Variants in ACYP2 observed in about 807,000 individuals in gnomAD.
ACYP2 encodes the protein acylphosphatase 2.
ACYP2 carries 12 observed loss-of-function variants against 11.2 expected under a neutral mutation model. The observed-to-expected ratio is 1.08, with a 90% CI of 0.69 to 1.74. The LOEUF is 1.74. Ranked by LOEUF, ACYP2 falls within the 40% of genes most tolerant of loss-of-function variation. The probability of loss-of-function intolerance (pLI) is 0.00; values close to 1 mark genes in which losing one functional copy is unlikely to be tolerated. For synonymous variants in ACYP2, 43 were observed against 32.2 expected (o/e 1.33, Z -1.13); for missense variants, 134 against 101.9 (o/e 1.31, Z -1.35).
chr2:54,238,561 C>G (rs1376114102), intron 6 of ACYP2, among the ~76,000 whole-genome samples: 3 of 152,020 alleles, frequency 2.0e-5, no homozygotes, highest in Non-Finnish European at 4.4e-5. Context: ...TATTTCTGTT[C>G]ATCAATGTTA....
intron 6 of ACYP2, among the ~76,000 whole-genome samples, chr2:54,289,774 T>G (rs1573058119): frequency 6.6e-6 from 1 of 151,846 alleles, no homozygotes; most frequent in African/African-American, 2.4e-5. Context: ...AAAAAAATCC[T>G]GGGAGGTTCA....
intron 6 of ACYP2, among the ~76,000 whole-genome samples, chr2:54,269,666 T>C (rs2104075264): frequency 6.6e-6 from 1 of 152,358 alleles, no homozygotes; most frequent in Middle Eastern, 3.4e-3. Flanking sequence ...CTAATATCCC[T>C]GATTTCTTCT....
At chr2:54,097,402 T>A (rs1041914450) in intron 4 of ACYP2, among the ~76,000 whole-genome samples, 3 of 152,254 alleles carry the variant, frequency 2.0e-5, no homozygotes, top group Admixed American at 2.0e-4. Flanking sequence ...TAAGTATTCA[T>A]TGAATAAATG....
intron 6 of ACYP2, among the ~76,000 whole-genome samples, chr2:54,164,728 A>T (rs955595141): frequency 3.3e-5 from 5 of 152,174 alleles, no homozygotes; most frequent in African/African-American, 1.2e-4. Flanking sequence ...GTTCTGGGAT[A>T]CATGTGCAGA....
At position 54,009,328 on chromosome 2, in the gene ACYP2, G is replaced by T. The variant is rs1253274575; in HGVS notation, c.62+35518G>T. The stretch of plus-strand genomic sequence containing the variant: ...AATCCCAGCGCTTTTGGAGGCCAAG[G>T]TTGACAGATCACCTTAGGTCAGGAG... On this transcript the variant is annotated intron_variant, in intron 2 of 6. Transcript: ENST00000607452. 3.9e-5 allele frequency among the ~76,000 whole-genome samples: 6 copies of T among 152,102 alleles called. No homozygotes were observed. In the East Asian group the frequency reaches 1.2e-3, roughly 29 times the overall value.
At chr2:54,244,632 A>G (rs1686872072) in intron 6 of ACYP2, among the ~76,000 whole-genome samples, 3 of 152,190 alleles carry the variant, frequency 2.0e-5, no homozygotes, top group African/African-American at 7.2e-5. Flanking sequence ...TCAGGAATAC[A>G]CCTTCAACTA....
intron 5 of ACYP2, among the ~76,000 whole-genome samples, 176 bp from the exon 3 acceptor site, chr2:54,138,463 C>A (rs1003094075): frequency 6.6e-6 from 1 of 152,096 alleles, no homozygotes; most frequent in Admixed American, 6.5e-5. Flanking sequence ...ACAAAAGATA[C>A]CATTTATGTG....
intron 4 of ACYP2, among the ~76,000 whole-genome samples, chr2:54,101,034 G>C (rs868003921): frequency 6.6e-6 from 1 of 152,222 alleles, no homozygotes. Context: ...GCAGTTAGCA[G>C]CTGAGGGTAC....
chr2:54,039,878 C>A (rs1675133348), intron 2 of ACYP2, among the ~76,000 whole-genome samples: 1 of 104,206 alleles, frequency 9.6e-6, no homozygotes, highest in South Asian at 3.0e-4. Flanking sequence ...TGTTTTGAGA[C>A]AGGGTCTTGC....
chr2:54,254,885 C>T (rs1306535233), intron 6 of ACYP2: 3 of 1,580,808 alleles, frequency 1.9e-6, no homozygotes, highest in Non-Finnish European at 2.6e-6. Flanking sequence ...TGGTGGCAGG[C>T]AACCTTCTGC....
At chr2:54,255,433 T>C in intron 6 of ACYP2, 1 of 1,614,060 alleles carries the variant, frequency 6.2e-7, no homozygotes, top group Non-Finnish European at 8.5e-7. Context: ...GTCATTCCTC[T>C]GCTCCAGGTA....
intron 2 of ACYP2, chr2:54,029,842 C>G (rs534037671): frequency 2.0e-4 from 79 of 385,624 alleles, no homozygotes; most frequent in African/African-American, 1.6e-3. Context: ...CCCTTGATGT[C>G]TACAATATCA....
intron 4 of ACYP2, among the ~76,000 whole-genome samples, chr2:54,130,600 T>A (rs563912027): frequency 6.6e-6 from 1 of 152,308 alleles, no homozygotes; most frequent in East Asian, 1.9e-4. Flanking sequence ...TTGTAGTAGA[T>A]GAGTTGAAAG....
intron 6 of ACYP2, among the ~76,000 whole-genome samples, chr2:54,174,434 T>C (rs1176705442): frequency 2.6e-5 from 4 of 152,182 alleles, no homozygotes; most frequent in South Asian, 4.1e-4. Context: ...GCTGAGACGA[T>C]GGGGTTTTCT....
rs1046829332 is a variant in ACYP2, at chr2:54,050,956, A to T, written c.63-2A>T. On this transcript the variant is annotated splice_acceptor_variant, in intron 2 of 6. Transcript: ENST00000607452. LOFTEE classifies it high-confidence loss of function. ...TAATTAAATTTTTTTCTTTTTTTGT[A>T]GATACAAGGTCTCGCTGTTCTACCT... 2 of 406,940 alleles carry T rather than the reference A, an allele frequency of 4.9e-6. No individual in the cohort carries two copies. Among genetic ancestry groups the T allele is most frequent in the Non-Finnish European group, 8.6e-6 (2 of 231,776 alleles). 25.2% of individuals were successfully genotyped at this position (406,940 alleles called of 1,614,324 possible).
At position 54,087,086 on chromosome 2, in the gene ACYP2, C is replaced by G. The variant is rs7560278; in HGVS notation, c.277+29726C>G. Among the ~76,000 whole-genome samples, 464 of 152,316 alleles carry G rather than the reference C, an allele frequency of 3.0e-3. 4 individuals carry two copies. Among genetic ancestry groups the G allele is most frequent in the African/African-American group, 0.01 (429 of 41,578 alleles). ...TACTTTCTCAGAAGCAGCCTTTGCA[C>G]ACACTATTGTGTTTAAGGTATGGGT... On this transcript the variant is annotated intron_variant, in intron 4 of 6. Coordinates refer to ENST00000607452, the MANE Select transcript of ACYP2 (RefSeq NM_001320586.2).
At chr2:53,973,969 C>T (rs1019713157) in intron 2 of ACYP2, among the ~76,000 whole-genome samples, 2 of 140,494 alleles carry the variant, frequency 1.4e-5, no homozygotes, top group East Asian at 2.2e-4. Flanking sequence ...TGCAATGGAT[C>T]CATCTCGGCT....
At chr2:54,303,081 C>T (rs1461267834) in intron 6 of ACYP2, among the ~76,000 whole-genome samples, 10 of 152,154 alleles carry the variant, frequency 6.6e-5, no homozygotes, top group Non-Finnish European at 8.8e-5. Flanking sequence ...CTTGGCCAGT[C>T]ATGGTGGCTC....
chr2:54,267,122 T>C (rs1688069840), intron 6 of ACYP2, among the ~76,000 whole-genome samples: 1 of 152,202 alleles, frequency 6.6e-6, no homozygotes, highest in Non-Finnish European at 1.5e-5. Context: ...ATTGATGCTA[T>C]CTTTATCTGT....
Sources: allele counts gnomAD v4.1 joint callset (sites outside exome capture counted in the v4.1 genomes callset), GRCh38; gene constraint gnomAD v4.1.1; transcripts MANE v1.5; gene names NCBI Gene and HGNC (gene_info 2026-07-23, HGNC 2026-07-21).